Variants in PDE10A observed in about 807,000 individuals in gnomAD.
PDE10A encodes the protein cAMP and cAMP-inhibited cGMP 3',5'-cyclic phosphodiesterase 10A.
PDE10A carries 39 observed loss-of-function variants against 97.7 expected under a neutral mutation model. The ratio of observed to expected loss-of-function variants is 0.40; its 90% CI spans 0.31 to 0.52. PDE10A has a LOEUF of 0.52. Among genes scored for constraint, PDE10A ranks in the 20% least tolerant of loss-of-function variants. PDE10A has a pLI of 0.56. For missense variants in PDE10A, 731 were observed against 1,047.8 expected (o/e 0.70, Z 4.17); for synonymous variants, 371 against 376.8 (o/e 0.98, Z 0.18).
At chr6:165,937,002 C>G (rs1293873703) in intron 1 of PDE10A, among the ~76,000 whole-genome samples, 1 of 152,196 alleles carries the variant, frequency 6.6e-6, no homozygotes, top group African/African-American at 2.4e-5. Context: ...CTTGTTTGTA[C>G]AAATTTTGGA....
At chr6:165,500,301 A>G (rs1227590583) in intron 2 of PDE10A, among the ~76,000 whole-genome samples, 1 of 152,168 alleles carries the variant, frequency 6.6e-6, no homozygotes, top group Non-Finnish European at 1.5e-5. Context: ...GAGAGAGATC[A>G]GACTGTTACT....
chr6:165,870,451 A>T lies in PDE10A; in HGVS notation c.-615+117078T>A, dbSNP rs921317865. Among the ~76,000 whole-genome samples the T allele has an allele frequency of 2.0e-5, 3 of 152,216 alleles. No individual in the cohort carries two copies. In the East Asian group the frequency reaches 5.8e-4, roughly 29 times the overall value. ...ATGGCTACTATCGAAAAGACAAAAA[A>T]TTACAAATGTTGGTGAGGATGCAGA... On this transcript the variant is annotated intron_variant, in intron 1 of 19. Coordinates refer to the PDE10A transcript ENST00000366882.
At chr6:165,471,960 T>G (rs889498253) in intron 3 of PDE10A, among the ~76,000 whole-genome samples, 2 of 152,212 alleles carry the variant, frequency 1.3e-5, no homozygotes, top group Admixed American at 1.3e-4. Context: ...TTTTGTTTAA[T>G]ACACTAATTT....
At chr6:165,406,700 T>C (rs1191547731) in intron 13 of PDE10A, among the ~76,000 whole-genome samples, 1 of 152,134 alleles carries the variant, frequency 6.6e-6, no homozygotes, top group East Asian at 1.9e-4. Flanking sequence ...AGTGAGGGTA[T>C]TTCTGGGAGA....
At chr6:165,609,261 A>C (rs1396163396) in intron 1 of PDE10A, among the ~76,000 whole-genome samples, 1 of 152,238 alleles carries the variant, frequency 6.6e-6, no homozygotes, top group East Asian at 1.9e-4. Flanking sequence ...CAAAAACTAC[A>C]TGATTATCTC....
intron 1 of PDE10A, among the ~76,000 whole-genome samples, chr6:165,924,801 G>C (rs28497532): frequency 1.5e-4 from 23 of 152,170 alleles, no homozygotes; most frequent in Non-Finnish European, 3.1e-4. Context: ...AAACATAAAA[G>C]TTATTAGAAA....
chr6:165,948,919 G>A (rs929237957), intron 1 of PDE10A: 7 of 152,246 alleles, frequency 4.6e-5, no homozygotes, highest in Admixed American at 2.6e-4. Flanking sequence ...GCAACAAAAC[G>A]TGACAGCCTC....
intron 1 of PDE10A, chr6:165,939,395 A>G (rs1415766772): frequency 6.6e-6 from 1 of 152,246 alleles, no homozygotes; most frequent in East Asian, 1.9e-4. Context: ...ATAGACACAT[A>G]TAACAAATTT....
At chr6:165,502,668 G>C (rs951049162) in intron 2 of PDE10A, among the ~76,000 whole-genome samples, 1 of 152,196 alleles carries the variant, frequency 6.6e-6, no homozygotes, top group African/African-American at 2.4e-5. Flanking sequence ...ACTGAGTCAA[G>C]AAAATGAACA....
chr6:165,937,788 G>T (rs1048632517), intron 1 of PDE10A, among the ~76,000 whole-genome samples: 43 of 152,058 alleles, frequency 2.8e-4, no homozygotes, highest in African/African-American at 1.0e-3. Context: ...TACACACACA[G>T]ATATTATCCA....
At chr6:165,573,826 C>T (rs1254467191) in intron 1 of PDE10A, among the ~76,000 whole-genome samples, 1 of 152,138 alleles carries the variant, frequency 6.6e-6, no homozygotes, top group African/African-American at 2.4e-5. Flanking sequence ...CCTGCTCTGG[C>T]ACAAAATTTG....
In PDE10A at chr6:165,574,198, C is replaced by T. The variant is rs564587944; in HGVS notation, c.866-30630G>A. ...GCTGTATATGAGAACCACTTCCACTCCTACTTATGCAAATAAATGTCAAAG... is the reference window on the plus strand; with the variant it reads ...GCTGTATATGAGAACCACTTCCACTTCTACTTATGCAAATAAATGTCAAAG... On this transcript the variant is annotated intron_variant, in intron 1 of 21. Coordinates refer to ENST00000539869, the MANE Select transcript of PDE10A (RefSeq NM_001385079.1). Among the ~76,000 whole-genome samples, 3 of 152,152 alleles carry T rather than the reference C, an allele frequency of 2.0e-5. No homozygotes were observed. In the East Asian group the frequency reaches 5.8e-4, roughly 29 times the overall value.
At chr6:165,699,097 A>T (rs1030508794) in intron 1 of PDE10A, among the ~76,000 whole-genome samples, 1 of 152,240 alleles carries the variant, frequency 6.6e-6, no homozygotes, top group African/African-American at 2.4e-5. Context: ...CATACAAGAG[A>T]TACACTTTAG....
In PDE10A at chr6:165,836,418, G is replaced by A. The variant is rs535773577; in HGVS notation, c.-615+151111C>T. 6.3e-4 allele frequency among the ~76,000 whole-genome samples: 96 copies of A among 152,310 alleles called. 1 individual carries two copies. Among genetic ancestry groups the A allele is most frequent in the Non-Finnish European group, 6.8e-4 (46 of 68,038 alleles). On this transcript the variant is annotated intron_variant, in intron 1 of 19. Coordinates refer to the PDE10A transcript ENST00000366882. ...GTCTTTCTGAGCTGCTAACCCCATG[G>A]GGCAAGCCCTTCGGCCTCCATGACT...
chr6:165,575,583 C>A (rs150181772), intron 1 of PDE10A, among the ~76,000 whole-genome samples: 1 of 152,248 alleles, frequency 6.6e-6, no homozygotes, highest in African/African-American at 2.4e-5. Context: ...GTAAAGATTT[C>A]TAAGACACTA....
intron 1 of PDE10A, among the ~76,000 whole-genome samples, chr6:165,758,131 CTT>C (rs888636341): frequency 1.1e-4 from 16 of 152,294 alleles, no homozygotes; most frequent in African/African-American, 3.9e-4. Context: ...AGATTAAAAA[CTT>C]AAAATTAGGC....
intron 2 of PDE10A, among the ~76,000 whole-genome samples, chr6:165,491,571 T>G (rs1310453908): frequency 1.3e-5 from 2 of 152,102 alleles, no homozygotes; most frequent in Non-Finnish European, 2.9e-5. Flanking sequence ...GGAATAAAAT[T>G]GGAAATCAAC....
chr6:165,547,753 G>C (rs968106046), intron 1 of PDE10A, among the ~76,000 whole-genome samples: 8 of 152,058 alleles, frequency 5.3e-5, no homozygotes, highest in African/African-American at 1.9e-4. Flanking sequence ...GAGTTTCCAC[G>C]CATAATAATG....
At chr6:165,981,030 C>A (rs1053848895) in intron 1 of PDE10A, among the ~76,000 whole-genome samples, 1 of 152,142 alleles carries the variant, frequency 6.6e-6, no homozygotes, top group African/African-American at 2.4e-5. Context: ...TAACTTTCAC[C>A]TCTGTTTATT....
Sources: gnomAD v4.1 joint callset for allele counts (sites outside exome capture counted in the v4.1 genomes callset) on GRCh38, gnomAD v4.1.1 for gene constraint, MANE v1.5 for transcripts, NCBI Gene and HGNC (gene_info 2026-07-23, HGNC 2026-07-21) for gene names.